BACE2: variants seen among roughly 807,000 people sequenced by gnomAD.
BACE2 encodes 56 kDa aspartic-like protease.
In BACE2, 17 loss-of-function variants were observed where a neutral mutation model predicts 46.2. That is an observed-to-expected ratio of 0.37 (90% CI 0.25 to 0.55). The LOEUF is 0.55. Ranked by LOEUF, BACE2 falls within the 20% of genes least tolerant of loss-of-function variation. The probability of loss-of-function intolerance (pLI) is 0.82; values close to 1 mark genes in which losing one functional copy is unlikely to be tolerated. For missense variants in BACE2, 595 were observed against 698.1 expected, an observed-to-expected ratio of 0.85 and a Z score of 1.66; for synonymous variants, 277 against 295.9, an observed-to-expected ratio of 0.94 and a Z score of 0.66.
intron 1 of BACE2, chr21:41,176,720 G>T (rs1182626433): frequency 6.6e-6 from 1 of 152,136 alleles, no homozygotes; most frequent in Admixed American, 6.5e-5. Context: ...TTTTTTCTAG[G>T]GGTCTCATTC....
At chr21:41,229,088 C>A (rs1481983300) in intron 2 of BACE2, among the ~76,000 whole-genome samples, 1 of 152,172 alleles carries the variant, frequency 6.6e-6, no homozygotes, top group Admixed American at 6.5e-5. Flanking sequence ...AAACACACCC[C>A]CAAAGTTTCC....
chr21:41,229,714 C>T (rs893208788), intron 2 of BACE2, among the ~76,000 whole-genome samples: 9 of 152,210 alleles, frequency 5.9e-5, no homozygotes, highest in African/African-American at 1.9e-4. Context: ...TTCAGGCTAC[C>T]GTGGGACACA....
intron 1 of BACE2, among the ~76,000 whole-genome samples, chr21:41,171,032 C>T (rs1321446622): frequency 6.6e-6 from 1 of 152,228 alleles, no homozygotes; most frequent in Non-Finnish European, 1.5e-5. Flanking sequence ...GGGAGCTGAA[C>T]TTCAGAAGCC....
intron 8 of BACE2, among the ~76,000 whole-genome samples, chr21:41,271,915 C>T (rs891003058): frequency 2.0e-5 from 3 of 152,136 alleles, no homozygotes; most frequent in Non-Finnish European, 2.9e-5. Context: ...ATACTTCCCG[C>T]TTCTGGTGTT....
At chr21:41,196,868 A>G (rs887307120) in intron 1 of BACE2, among the ~76,000 whole-genome samples, 8 of 152,188 alleles carry the variant, frequency 5.3e-5, no homozygotes, top group Non-Finnish European at 4.4e-5. Context: ...AGTGAGCACA[A>G]CTGGTGCTTC....
rs191357174 is a variant in BACE2 at position 41,198,326 on chromosome 21, C to T, written c.313-27940C>T. Reference sequence around the variant, plus strand: ...ATATTTTTTGATGGGCTAGTTTATCCCCAAATTTTCAAAGTCACTTGTCAC... The same window carrying T: ...ATATTTTTTGATGGGCTAGTTTATCTCCAAATTTTCAAAGTCACTTGTCAC... On this transcript the variant is annotated intron_variant, in intron 1 of 8. Transcript: ENST00000330333. Among the ~76,000 whole-genome samples, 43 of 152,278 alleles carry T rather than the reference C, an allele frequency of 2.8e-4. 1 individual carries two copies. In the East Asian group the frequency reaches 5.6e-3, roughly 20 times the overall value.
rs60255054 is a variant in BACE2 at position 41,220,054 on chromosome 21, AT to A, written c.313-6209del. ...CTGATCGATCGGCTACAAATGGAAG[AT>A]TTCCAGGATCCTATCCTTGGTTTGA... On this transcript the variant is annotated intron_variant, in intron 1 of 8. Coordinates refer to ENST00000330333, the MANE Select transcript of BACE2 (RefSeq NM_012105.5). Among the ~76,000 whole-genome samples the A allele has an allele frequency of 1.1e-3, 168 of 152,242 alleles. 1 individual carries two copies. In the East Asian group the frequency reaches 0.031, roughly 28 times the overall value.
chr21:41,260,886 GTTTA>G (rs1332294244), intron 8 of BACE2, among the ~76,000 whole-genome samples: 1 of 151,974 alleles, frequency 6.6e-6, no homozygotes, highest in African/African-American at 2.4e-5. Flanking sequence ...TGTTTGTTTG[GTTTA>G]TTTTTTTTTA....
At chr21:41,243,731 T>C (rs1342344962) in intron 5 of BACE2, among the ~76,000 whole-genome samples, 1 of 152,212 alleles carries the variant, frequency 6.6e-6, no homozygotes, top group African/African-American at 2.4e-5. Context: ...CTTATCTTCA[T>C]AGGGCAAAAT....
chr21:41,240,335 C>T (rs1987250541), intron 3 of BACE2, among the ~76,000 whole-genome samples: 1 of 152,248 alleles, frequency 6.6e-6, no homozygotes, highest in Non-Finnish European at 1.5e-5. Flanking sequence ...CAGGTTCTCT[C>T]AGGGTTGGTT....
intron 8 of BACE2, among the ~76,000 whole-genome samples, chr21:41,264,839 C>T (rs762353225): frequency 2.6e-5 from 4 of 152,080 alleles, no homozygotes; most frequent in Non-Finnish European, 5.9e-5. Flanking sequence ...AAAAGGTTAG[C>T]CAAGCATGGT....
intron 1 of BACE2, among the ~76,000 whole-genome samples, chr21:41,208,735 C>T (rs1199709320): frequency 6.6e-6 from 1 of 152,062 alleles, no homozygotes; most frequent in Admixed American, 6.5e-5. Context: ...GTTCCTGCCA[C>T]CCCACCCTGC....
chr21:41,207,753 G>A (rs59790209), intron 1 of BACE2, among the ~76,000 whole-genome samples: 6,401 of 152,272 alleles, frequency 0.042, 435 homozygotes, highest in African/African-American at 0.14. Context: ...CCACATCTGC[G>A]GAAGCTTGGT....
intron 6 of BACE2, 62 bp downstream of exon 6, chr21:41,246,125 C>G: frequency 4.6e-6 from 6 of 1,314,488 alleles, no homozygotes; most frequent in Non-Finnish European, 6.4e-6. Context: ...TGCTGAGGAG[C>G]AGCACTGCGT....
chr21:41,205,422 A>G (rs528975335), intron 1 of BACE2, among the ~76,000 whole-genome samples: 1 of 152,354 alleles, frequency 6.6e-6, no homozygotes, highest in African/African-American at 2.4e-5. Flanking sequence ...TATTCTAGAT[A>G]TGAAGATTCA....
intron 1 of BACE2, among the ~76,000 whole-genome samples, chr21:41,217,173 C>G (rs1329314379): frequency 6.6e-6 from 1 of 152,234 alleles, no homozygotes; most frequent in South Asian, 2.1e-4. Context: ...TCGTGATCTG[C>G]CCGCCTCGGC....
intron 1 of BACE2, among the ~76,000 whole-genome samples, chr21:41,215,657 T>A (rs1168321557): frequency 6.6e-6 from 1 of 152,138 alleles, no homozygotes; most frequent in Non-Finnish European, 1.5e-5. Flanking sequence ...CTCCCTAGTA[T>A]CAGGAAGGAA....
intron 1 of BACE2, chr21:41,183,643 C>T (rs1405607392): frequency 2.4e-5 from 4 of 167,186 alleles, no homozygotes; most frequent in Non-Finnish European, 4.4e-5. Flanking sequence ...CTGGAGAGCA[C>T]ACTCAGTGGT....
rs1307403456 is a variant in BACE2 at position 41,193,590 on chromosome 21, T to C, written c.312+25015T>C. ...TACTATTTTTCTAGGTAGAGGCAGCTCTAATGGCTTCCATTTGGCCTTTCT... is the reference window on the plus strand; with the variant it reads ...TACTATTTTTCTAGGTAGAGGCAGCCCTAATGGCTTCCATTTGGCCTTTCT... On this transcript the variant is annotated intron_variant, in intron 1 of 8. Transcript: ENST00000330333. The surrounding 1 kb of genome is among the most constrained non-coding windows in gnomAD (Gnocchi z 4.2). Among the ~76,000 whole-genome samples the C allele has an allele frequency of 6.6e-6, 1 of 152,220 alleles. No homozygotes were observed. Among genetic ancestry groups the C allele is most frequent in the Admixed American group, 6.5e-5 (1 of 15,278 alleles).
Sources: allele counts gnomAD v4.1 joint callset (sites outside exome capture counted in the v4.1 genomes callset), GRCh38; gene constraint gnomAD v4.1.1; non-coding constraint Gnocchi (gnomAD v3.1); transcripts MANE v1.5; gene names NCBI Gene and HGNC (gene_info 2026-07-23, HGNC 2026-07-21).